The following ZMPSTE24 variants were observed in gnomAD, a reference collection of about 807,000 sequenced individuals.
ZMPSTE24 encodes the protein CAAX prenyl protease 1 homolog.
Under a neutral mutation model 56.7 loss-of-function variants are expected in ZMPSTE24, and 48 were observed. That is an observed-to-expected ratio of 0.85 (90% CI 0.67 to 1.08). The LOEUF (loss-of-function observed/expected upper bound fraction) is 1.08, where lower values mean the gene tolerates loss of function less well. Among genes scored for constraint, ZMPSTE24 ranks in the 50% least tolerant of loss-of-function variants. The probability of loss-of-function intolerance (pLI) is 0.00; values close to 1 mark genes in which losing one functional copy is unlikely to be tolerated. For missense variants in ZMPSTE24, 503 were observed against 548.7 expected, an observed-to-expected ratio of 0.92 and a Z score of 0.83; for synonymous variants, 172 against 195.2, an observed-to-expected ratio of 0.88 and a Z score of 0.99.
chr1:40,278,999 G>A (rs972159305), intron 6 of ZMPSTE24, among the ~76,000 whole-genome samples: 3 of 152,052 alleles, frequency 2.0e-5, no homozygotes, highest in African/African-American at 7.2e-5. Flanking sequence ...AAATTAGCCG[G>A]GCATGGTGGT....
Position 40,281,345 on chromosome 1 carries a change from T to G in ZMPSTE24, c.772T>G (p.Ser258Ala), listed in dbSNP as rs955590811. Residue 258 changes from serine (S) to alanine (A), a missense_variant and splice_region_variant, in exon 7 of 10, where the codon TCT becomes GCT. Physicochemically the swap from Ser to Ala is moderately conservative, Grantham distance 99. Transcript: ENST00000372759. ...PLTKVYVVEG[S>A]KRSSHSNAYF... ...GCTTTGAACTGTCTTTTCCTTAGGATCTAAACGCTCTTCCCACAGCAATGC... is the reference window on the plus strand; with the variant it reads ...GCTTTGAACTGTCTTTTCCTTAGGAGCTAAACGCTCTTCCCACAGCAATGC... 1 of 1,613,900 alleles carries G rather than the reference T, an allele frequency of 6.2e-7. No homozygotes were observed. Among genetic ancestry groups the G allele is most frequent in the Non-Finnish European group, 8.5e-7 (1 of 1,179,890 alleles).
chr1:40,289,181 C>T (rs1643814829), intron 8 of ZMPSTE24, among the ~76,000 whole-genome samples: 1 of 152,222 alleles, frequency 6.6e-6, no homozygotes, highest in Non-Finnish European at 1.5e-5. Context: ...GCTTATTTAA[C>T]TTACTGGTGC....
chr1:40,258,474 GATT>G, intron 1 of ZMPSTE24, 80 bp downstream of exon 1: 3 of 1,605,214 alleles, frequency 1.9e-6, no homozygotes, highest in Non-Finnish European at 2.5e-6. Context: ...TGAGACTCTT[GATT>G]GCTTCGGTCC....
chr1:40,272,067 C>T, intron 6 of ZMPSTE24, 32 bp downstream of exon 6: 7 of 1,563,012 alleles, frequency 4.5e-6, no homozygotes, highest in Non-Finnish European at 5.2e-6. Flanking sequence ...AAAGTTTTAT[C>T]CAAGTGGTTT....
intron 2 of ZMPSTE24, 95 bp from the exon 3 acceptor site, chr1:40,267,689 GAT>G: frequency 2.0e-6 from 2 of 1,003,202 alleles, no homozygotes; most frequent in South Asian, 2.6e-5. Flanking sequence ...TTTTAATAGA[GAT>G]GATTATTTTG....
Position 40,285,937 on chromosome 1 carries a change from G to T in ZMPSTE24, c.967G>T (p.Gly323Ter). ...IKAKVKNKKQGCKNEEVLAVL... is the reference protein window; with the variant it reads ...IKAKVKNKKQ ...TTTTTTTATTCAGAATAAGAAACAA[G>T]GATGTAAAAATGAGGAGGTACTCGC... The change falls in exon 8 of 10, where the codon GGA becomes TGA. Residue 323 changes from glycine (G) to a stop codon, truncating the protein, a stop_gained. Transcript: ENST00000372759. LOFTEE classifies it high-confidence loss of function. 6.2e-7 allele frequency: 1 copy of T among 1,613,428 alleles called. No homozygotes were observed. The highest frequency in any genetic ancestry group is 1.1e-5 in the South Asian group (1 of 91,008).
At chr1:40,259,029 G>A (rs1221269975) in intron 1 of ZMPSTE24, among the ~76,000 whole-genome samples, 4 of 151,968 alleles carry the variant, frequency 2.6e-5, no homozygotes, top group African/African-American at 9.7e-5. Context: ...GTGGTGGCGC[G>A]CACCTGTAGT....
At position 40,269,992 on chromosome 1, in the gene ZMPSTE24, GA is replaced by G. The variant is rs1288108247; in HGVS notation, c.495del (p.Asp166MetfsTer8). 1 of 1,613,476 alleles carries G rather than the reference GA, an allele frequency of 6.2e-7. No homozygotes were observed. Among genetic ancestry groups the G allele is most frequent in the Non-Finnish European group, 8.5e-7 (1 of 1,179,852 alleles). On this transcript the variant is annotated frameshift_variant, in exon 5 of 10. Coordinates refer to ENST00000372759, the MANE Select transcript of ZMPSTE24 (RefSeq NM_005857.5). LOFTEE classifies it high-confidence loss of function. ...FNQQTLGFFM[K>X]DAIKKFVVTQ... ...TTTTGCAGACTTTGGGGTTCTTCAT[GA>G]AAGATGCAATCAAGAAATTTGTTGT...
intron 1 of ZMPSTE24, 114 bp downstream of exon 1, chr1:40,258,508 T>A: frequency 6.4e-7 from 1 of 1,565,442 alleles, no homozygotes. Context: ...CTCGTCTTTG[T>A]GGTCCCTGCT....
At position 40,282,639 on chromosome 1, in the gene ZMPSTE24, G is replaced by A. The variant is rs142612671; in HGVS notation, c.954+1112G>A. Among the ~76,000 whole-genome samples, 37 of 152,314 alleles carry A rather than the reference G, an allele frequency of 2.4e-4. 1 individual carries two copies. The highest frequency in any genetic ancestry group is 4.6e-4 in the Non-Finnish European group (31 of 68,010). On this transcript the variant is annotated intron_variant, in intron 7 of 9. Transcript: ENST00000372759. Reference sequence around the variant, plus strand: ...TTATAGGCGTGTGCCACCGCACCCCGCCAAGCTTTCTAAATCTTTGATTTC... The same window carrying A: ...TTATAGGCGTGTGCCACCGCACCCCACCAAGCTTTCTAAATCTTTGATTTC...
chr1:40,265,444 A>G (rs1417024912), intron 2 of ZMPSTE24, among the ~76,000 whole-genome samples: 3 of 152,148 alleles, frequency 2.0e-5, no homozygotes, highest in East Asian at 1.9e-4. Context: ...GGCTGAGTGC[A>G]GTAGCTCATG....
chr1:40,275,934 G>A (rs1239596019), intron 6 of ZMPSTE24, among the ~76,000 whole-genome samples: 2 of 152,296 alleles, frequency 1.3e-5, no homozygotes, highest in African/African-American at 2.4e-5. Context: ...TCAGCCACTA[G>A]CACCTGCAGA....
At chr1:40,269,113 T>G (rs1374570350) in intron 4 of ZMPSTE24, among the ~76,000 whole-genome samples, 1 of 146,174 alleles carries the variant, frequency 6.8e-6, no homozygotes, top group African/African-American at 2.5e-5. Flanking sequence ...AAAAAAAGTC[T>G]TGACTGGGTA....
intron 2 of ZMPSTE24, chr1:40,262,738 C>T: frequency 2.2e-6 from 2 of 894,132 alleles, no homozygotes; most frequent in Non-Finnish European, 2.8e-6. Context: ...CCCTCCATTG[C>T]TTGGTAAGTG....
intron 5 of ZMPSTE24, 54 bp downstream of exon 5, chr1:40,270,181 C>G: frequency 6.3e-7 from 1 of 1,580,844 alleles, no homozygotes; most frequent in Non-Finnish European, 8.7e-7. Flanking sequence ...GGTGAGATTA[C>G]TGTAATCTTC....
rs1643853679 is a variant in ZMPSTE24, at chr1:40,292,525, T to C, written c.1284T>C (p.Ala428=). Reference sequence around the variant, plus strand: ...CATTTGCCAAGAAACTTGGGAAGGCTAAAGACTTATATTCTGCTTTAATCA... The same window carrying C: ...CATTTGCCAAGAAACTTGGGAAGGCCAAAGACTTATATTCTGCTTTAATCA... The part of the protein sequence containing the change: ...ADAFAKKLGK[A]KDLYSALIKL... The change falls in exon 10 of 10, where the codon GCT becomes GCC. Residue 428 remains alanine, a synonymous_variant. Transcript: ENST00000372759. 1 of 1,614,078 alleles carries C rather than the reference T, an allele frequency of 6.2e-7. No homozygotes were observed. The highest frequency in any genetic ancestry group is 1.3e-5 in the African/African-American group (1 of 74,948).
intron 7 of ZMPSTE24, among the ~76,000 whole-genome samples, chr1:40,282,727 A>T (rs956026203): frequency 6.6e-6 from 1 of 152,078 alleles, no homozygotes; most frequent in African/African-American, 2.4e-5. Flanking sequence ...GAGCCAGATA[A>T]TTTTTTTGTT....
At chr1:40,279,143 G>T (rs1643701952) in intron 6 of ZMPSTE24, among the ~76,000 whole-genome samples, 1 of 151,332 alleles carries the variant, frequency 6.6e-6, no homozygotes, top group South Asian at 2.1e-4. Context: ...TGTCTCAAAA[G>T]AAAAAAAGGT....
At position 40,258,380 on chromosome 1, in the gene ZMPSTE24, C is replaced by T. The variant is rs1287255497; in HGVS notation, c.109C>T (p.Leu37=). The T allele has an allele frequency of 2.0e-5, 32 of 1,613,970 alleles. No homozygotes were observed. Among genetic ancestry groups the T allele is most frequent in the Non-Finnish European group, 2.7e-5 (32 of 1,180,006 alleles). ...GACAGTGTATCTTTGGGAGACCTTC[C>T]TAGCACAGCGGCAGGTGAGCCTAGA... is the stretch of plus-strand genomic sequence containing the variant. The part of the protein sequence containing the change: ...SWTVYLWETF[L]AQRQRRIYKT... Residue 37 remains leucine, a synonymous_variant, in exon 1 of 10, where the codon CTA becomes TTA. Coordinates refer to ENST00000372759, the MANE Select transcript of ZMPSTE24 (RefSeq NM_005857.5).
Sources: allele counts gnomAD v4.1 joint callset (sites outside exome capture counted in the v4.1 genomes callset), GRCh38; gene constraint gnomAD v4.1.1; transcripts MANE v1.5; gene names NCBI Gene and HGNC (gene_info 2026-07-23, HGNC 2026-07-21).